XDH: variants seen among roughly 807,000 people sequenced by gnomAD.
The protein encoded by XDH is xanthine dehydrogenase, also known as xanthine dehydrogenase/oxidase.
In XDH, 138 loss-of-function variants were observed where a neutral mutation model predicts 156.1. That is an observed-to-expected ratio of 0.88 (90% CI 0.77 to 1.02). The LOEUF (loss-of-function observed/expected upper bound fraction) is 1.02. XDH is among the 50% of genes least tolerant of loss of function. The probability of loss-of-function intolerance (pLI) is 0.00; values close to 1 mark genes in which losing one functional copy is unlikely to be tolerated. For missense variants in XDH, 1,849 were observed against 1,684.9 expected, an observed-to-expected ratio of 1.10 and a Z score of -1.71; for synonymous variants, 669 against 625.7, an observed-to-expected ratio of 1.07 and a Z score of -1.03.
At chr2:31,376,298 C>A (rs1686242729) in intron 14 of XDH, among the ~76,000 whole-genome samples, 1 of 150,378 alleles carries the variant, frequency 6.6e-6, no homozygotes, top group Non-Finnish European at 1.5e-5. Flanking sequence ...ATAGAATCAA[C>A]AGCAACAGTA....
Position 31,375,257 on chromosome 2 carries a change from C to T in XDH, c.1602+123G>A, listed in dbSNP as rs980674745. The T allele has an allele frequency of 1.4e-5, 18 of 1,280,942 alleles. No homozygotes were observed. In the African/African-American group the frequency reaches 2.3e-4, roughly 17 times the overall value. 79.3% of individuals were successfully genotyped at this position (1,280,942 alleles called of 1,614,324 possible). A position where few individuals can be genotyped will look rare whatever the true frequency, so the allele number is the denominator to read the frequency against. ...CATTTCCAAGATTCTTGTGCTGTGA[C>T]CCTGGTCCCTGCTATTCTGCCCTCA... On this transcript the variant is annotated intron_variant, in intron 15 of 35. Transcript: ENST00000379416.
rs757303941 is a variant in XDH, at chr2:31,368,532, C to T, written c.2100+9G>A. ...CACTCCTCTACACAGGCAGCCCATTCTCAGTTACCTCAATTGTGATAATGG... is the reference window on the plus strand; with the variant it reads ...CACTCCTCTACACAGGCAGCCCATTTTCAGTTACCTCAATTGTGATAATGG... On this transcript the variant is annotated intron_variant, in intron 19 of 35. Coordinates refer to ENST00000379416, the MANE Select transcript of XDH (RefSeq NM_000379.4). 1 of 1,614,188 alleles carries T rather than the reference C, an allele frequency of 6.2e-7. No individual in the cohort carries two copies. The highest frequency in any genetic ancestry group is 1.7e-5 in the Admixed American group (1 of 60,028).
At chr2:31,379,743 A>T in intron 13 of XDH, 124 bp downstream of exon 13, 1 of 980,756 alleles carries the variant, frequency 1.0e-6, no homozygotes, top group Non-Finnish European at 1.6e-6. Context: ...CAGAGAGAAA[A>T]ATCATCAATG....
rs929836524 is a variant in XDH, at chr2:31,372,309, A to G, written c.1775T>C (p.Val592Ala). The G allele has an allele frequency of 1.9e-6, 3 of 1,614,202 alleles. No homozygotes were observed. Among genetic ancestry groups the G allele is most frequent in the Non-Finnish European group, 2.5e-6 (3 of 1,180,034 alleles). The change falls in exon 17 of 36, where the codon GTG becomes GCG. Residue 592 changes from valine to alanine, a missense_variant. Physicochemically the swap from Val to Ala is moderately conservative, Grantham distance 64. Coordinates refer to ENST00000379416, the MANE Select transcript of XDH (RefSeq NM_000379.4). ...AADMQASGEA[V>A]YCDDIPRYEN... ...GTAGCGAGGAATGTCGTCACAGTACACGGCCTCACCAGAGGCCTGCATGTC... is the reference window on the plus strand; with the variant it reads ...GTAGCGAGGAATGTCGTCACAGTACGCGGCCTCACCAGAGGCCTGCATGTC...
At chr2:31,408,995 G>A (rs1311594345) in intron 1 of XDH, among the ~76,000 whole-genome samples, 1 of 152,228 alleles carries the variant, frequency 6.6e-6, no homozygotes, top group African/African-American at 2.4e-5. Context: ...CAACATGGAT[G>A]GATGGAGCTG....
chr2:31,349,608 T>C (rs1685402804), intron 26 of XDH, 78 bp downstream of exon 26: 2 of 1,504,972 alleles, frequency 1.3e-6, no homozygotes, highest in Non-Finnish European at 1.8e-6. Flanking sequence ...AATTATTAGC[T>C]TCCTATATGG....
At chr2:31,360,449 C>T (rs1051800581) in intron 24 of XDH, among the ~76,000 whole-genome samples, 29 of 152,094 alleles carry the variant, frequency 1.9e-4, no homozygotes, top group African/African-American at 6.5e-4. Context: ...TGCAGTGAGC[C>T]AAGACTGCAC....
chr2:31,346,649 C>T (rs1685302285), intron 30 of XDH, 120 bp downstream of exon 30: 1 of 1,231,406 alleles, frequency 8.1e-7, no homozygotes, highest in South Asian at 1.2e-5. Context: ...ACCACCTCAA[C>T]TTCTCTCTGC....
intron 16 of XDH, among the ~76,000 whole-genome samples, chr2:31,372,787 C>T (rs45474400): frequency 6.6e-6 from 1 of 151,652 alleles, no homozygotes; most frequent in Non-Finnish European, 1.5e-5. Context: ...GACAATAATT[C>T]AATTATGTAG....
intron 8 of XDH, among the ~76,000 whole-genome samples, chr2:31,387,125 T>C (rs1686632439): frequency 6.6e-6 from 1 of 152,114 alleles, no homozygotes; most frequent in South Asian, 2.1e-4. Context: ...AGCCCTCAAA[T>C]CGAACTGCCA....
chr2:31,343,831 C>CAT (rs1023177115), intron 31 of XDH, among the ~76,000 whole-genome samples: 2 of 137,338 alleles, frequency 1.5e-5, no homozygotes, highest in Non-Finnish European at 1.6e-5. Context: ...TATATATGTT[C>CAT]ATATATATAT....
At chr2:31,395,985 C>T (rs544401003) in intron 6 of XDH, among the ~76,000 whole-genome samples, 1 of 152,170 alleles carries the variant, frequency 6.6e-6, no homozygotes, top group African/African-American at 2.4e-5. Flanking sequence ...GTGTGCCCAC[C>T]TCTAGTTGAC....
Position 31,346,648 on chromosome 2 carries a change from A to G in XDH, c.3351+121T>C. The G allele has an allele frequency of 2.5e-6, 3 of 1,217,730 alleles. No individual in the cohort carries two copies. In the East Asian group the frequency reaches 7.0e-5, roughly 28 times the overall value. The allele number at this position is 1,217,730 out of a possible 1,614,324, so 75.4% of individuals were successfully genotyped here. A position where few individuals can be genotyped will look rare whatever the true frequency, so the allele number is the denominator to read the frequency against. On this transcript the variant is annotated intron_variant, in intron 30 of 35. Transcript: ENST00000379416. ...CTGTAAAATCACACAAACCACCTCA[A>G]CTTCTCTCTGCTGTTCTGACTAAAA... is the stretch of plus-strand genomic sequence containing the variant.
intron 6 of XDH, among the ~76,000 whole-genome samples, chr2:31,392,495 G>T (rs1686794819): frequency 6.6e-6 from 1 of 151,924 alleles, no homozygotes; most frequent in Non-Finnish European, 1.5e-5. Context: ...CGCAATCTTG[G>T]CTCACTGCAA....
At chr2:31,362,327 G>C (rs1171613335) in intron 24 of XDH, among the ~76,000 whole-genome samples, 1 of 152,136 alleles carries the variant, frequency 6.6e-6, no homozygotes, top group African/African-American at 2.4e-5. Context: ...TAGATGAAGA[G>C]AAAAACCATA....
In XDH at chr2:31,366,873, G is replaced by T; in HGVS notation, c.2319C>A (p.Thr773=). 6.2e-7 allele frequency: 1 copy of T among 1,614,156 alleles called. No individual in the cohort carries two copies. Among genetic ancestry groups the T allele is most frequent in the Non-Finnish European group, 8.5e-7 (1 of 1,180,042 alleles). Reference sequence around the variant, plus strand: ...AGCTGACCCAAAAGGCATCTACCTGGGTCTTCATGGTGTTCTGTGTAGACA... The same window carrying T: ...AGCTGACCCAAAAGGCATCTACCTGTGTCTTCATGGTGTTCTGTGTAGACA... ...LFVSTQNTMK[T]QSFVAKMLGV... is the part of the protein sequence containing the mutation. Residue 773 remains threonine, a synonymous_variant, in exon 21 of 36, where the codon ACC becomes ACA. Transcript: ENST00000379416.
intron 4 of XDH, among the ~76,000 whole-genome samples, chr2:31,399,422 C>T (rs1053306130): frequency 6.6e-6 from 1 of 152,120 alleles, no homozygotes; most frequent in African/African-American, 2.4e-5. Flanking sequence ...GCCAGAACCA[C>T]AGTGTCACAG....
chr2:31,407,630 C>T (rs1341349914), intron 1 of XDH, among the ~76,000 whole-genome samples: 3 of 152,114 alleles, frequency 2.0e-5, no homozygotes, highest in South Asian at 4.1e-4. Flanking sequence ...GCTCCAAACA[C>T]CTAAAAGGCT....
Position 31,383,769 on chromosome 2 carries a change from T to C in XDH, c.872A>G (p.Glu291Gly). 6.2e-7 allele frequency: 1 copy of C among 1,614,060 alleles called. No homozygotes were observed. The highest frequency in any genetic ancestry group is 8.5e-7 in the Non-Finnish European group (1 of 1,179,994). The change falls in exon 10 of 36, where the codon GAA becomes GGA. Residue 291 changes from glutamate (E) to glycine (G), a missense_variant. By Grantham distance (98) the Glu-to-Gly change is moderately conservative (BLOSUM62 -2). Coordinates refer to ENST00000379416, the MANE Select transcript of XDH (RefSeq NM_000379.4). Reference protein sequence around the residue: ...PAWIPELNSVEHGPDGISFGA... With the variant: ...PAWIPELNSVGHGPDGISFGA... ...CCTCCTCTTACCGTCGGGTCCATGT[T>C]CTACCGAATTCAGCTCAGGGATCCA...
Sources: gnomAD v4.1 joint callset for allele counts (sites outside exome capture counted in the v4.1 genomes callset) on GRCh38, gnomAD v4.1.1 for gene constraint, MANE v1.5 for transcripts, NCBI Gene and HGNC (gene_info 2026-07-23, HGNC 2026-07-21) for gene names.